FANCB: variants seen among roughly 807,000 people sequenced by gnomAD.
The protein encoded by FANCB is FA complementation group B, also known as Fanconi anemia group B protein.
Under a neutral mutation model 38.9 loss-of-function variants are expected in FANCB, and 5 were observed. The ratio of observed to expected loss-of-function variants is 0.13; its 90% CI spans 0.07 to 0.27. FANCB has a LOEUF of 0.27. Ranked by LOEUF, FANCB falls within the 10% of genes least tolerant of loss-of-function variation. The pLI, the probability that FANCB is intolerant of heterozygous loss-of-function variation, is 1.00. For synonymous variants in FANCB, 236 were observed against 215.4 expected (o/e 1.10, Z -0.84); for missense variants, 573 against 602.7 (o/e 0.95, Z 0.52).
the FANCB span, among the ~76,000 whole-genome samples, chrX:14,771,774 A>G: frequency 1.8e-5 from 2 of 111,964 alleles, no homozygotes; most frequent in African/African-American, 6.5e-5. Context: ...TTGTGGGGTT[A>G]TCTACCTTCA....
the FANCB span, among the ~76,000 whole-genome samples, chrX:14,792,150 C>T: frequency 8.9e-6 from 1 of 111,737 alleles, no homozygotes; most frequent in African/African-American, 3.2e-5. Context: ...TTAGTTTTTG[C>T]CTGAAATTTA....
chrX:14,707,525 G>T, the FANCB span, among the ~76,000 whole-genome samples: 4 of 109,938 alleles, frequency 3.6e-5, no homozygotes, highest in Non-Finnish European at 5.7e-5. Context: ...CACCCTGGTA[G>T]TGAGCTTAGA....
At chrX:14,818,077 G>A in the FANCB span, among the ~76,000 whole-genome samples, 6,418 of 111,207 alleles carry the variant, frequency 0.058, 395 homozygotes, top group African/African-American at 0.18. Context: ...TTAATAAACC[G>A]GTCCTCATTG....
At chrX:14,848,915 C>G (rs2092388779) in intron 7 of FANCB, among the ~76,000 whole-genome samples, 1 of 110,472 alleles carries the variant, frequency 9.1e-6, no homozygotes, top group African/African-American at 3.3e-5. Context: ...AGTGACCCCC[C>G]CGGACCCAGC....
At chrX:14,755,198 C>G in the FANCB span, among the ~76,000 whole-genome samples, 1 of 111,554 alleles carries the variant, frequency 9.0e-6, no homozygotes, top group African/African-American at 3.3e-5. Context: ...AGCATCATAC[C>G]AAATGGGAAA....
rs1336185048 is a variant in FANCB, at chrX:14,845,113, T to A, written c.1670A>T (p.Asp557Val). The stretch of plus-strand genomic sequence containing the variant: ...AACAAAGCTTTCCTCTTTCTTGCTA[T>A]CAGGGGTCAACGTGACCCTTTTTGC... The part of the protein sequence containing the change: ...LEAKRVTLTP[D>V]SKKEESFVCE... The change falls in exon 8 of 10, where the codon GAT (aspartate) becomes GTT (valine). Residue 557 changes from aspartate to valine, a missense_variant. Coordinates refer to ENST00000650831, the MANE Select transcript of FANCB (RefSeq NM_001018113.3). The A allele has an allele frequency of 5.8e-6, 7 of 1,209,691 alleles. No individual in the cohort carries two copies. The highest frequency in any genetic ancestry group is 7.8e-6 in the Non-Finnish European group (7 of 894,669).
the FANCB span, among the ~76,000 whole-genome samples, chrX:14,759,754 C>G: frequency 1.8e-5 from 2 of 109,466 alleles, no homozygotes; most frequent in Non-Finnish European, 3.8e-5. Context: ...AAAATAGAAC[C>G]TCCTTAAAGC....
intron 7 of FANCB, among the ~76,000 whole-genome samples, chrX:14,848,528 C>T (rs1181187815): frequency 1.8e-5 from 2 of 111,669 alleles, no homozygotes. Flanking sequence ...CTGGTCTAAC[C>T]GGTTGTCTAG....
the FANCB span, among the ~76,000 whole-genome samples, chrX:14,804,338 C>G: frequency 8.9e-6 from 1 of 111,863 alleles, no homozygotes; most frequent in Non-Finnish European, 1.9e-5. Flanking sequence ...TTTGTAGGGA[C>G]AAGGAGGAAG....
chrX:14,794,361 G>A, the FANCB span, among the ~76,000 whole-genome samples: 4 of 111,253 alleles, frequency 3.6e-5, no homozygotes, highest in Admixed American at 1.9e-4. Context: ...CACCAGAGGG[G>A]AAAGGATGAA....
At chrX:14,772,393 A>C in the FANCB span, among the ~76,000 whole-genome samples, 1 of 112,257 alleles carries the variant, frequency 8.9e-6, no homozygotes, top group South Asian at 3.7e-4. Flanking sequence ...ACAATCTGGC[A>C]AGGCAGCTAT....
At chrX:14,803,539 T>A in the FANCB span, among the ~76,000 whole-genome samples, 1 of 112,389 alleles carries the variant, frequency 8.9e-6, no homozygotes, top group Non-Finnish European at 1.9e-5. Flanking sequence ...CACTCAGTAT[T>A]TTTAAATGAT....
chrX:14,819,827 T>C, the FANCB span, among the ~76,000 whole-genome samples: 6 of 111,382 alleles, frequency 5.4e-5, no homozygotes, highest in African/African-American at 2.0e-4. Flanking sequence ...ACGACTACCC[T>C]GATCAGGCCA....
chrX:14,835,244 A>G, downstream of FANCB: 1 of 501,351 alleles, frequency 2.0e-6, no homozygotes, highest in Non-Finnish European at 3.7e-6. Flanking sequence ...GATCATCTTT[A>G]TTGGCCTTTA....
At chrX:14,795,585 G>C in the FANCB span, among the ~76,000 whole-genome samples, 1 of 111,850 alleles carries the variant, frequency 8.9e-6, no homozygotes, top group Non-Finnish European at 1.9e-5. Context: ...ACAGCTAGAG[G>C]AGAAGAAAGA....
chrX:14,729,372 T>C, the FANCB span, among the ~76,000 whole-genome samples: 296 of 111,121 alleles, frequency 2.7e-3, no homozygotes, highest in African/African-American at 9.5e-3. Flanking sequence ...ACCCCACCGT[T>C]TGACCCCCTC....
intron 4 of FANCB, 36 bp from the exon 5 acceptor site, chrX:14,857,990 T>C: frequency 5.6e-6 from 5 of 900,701 alleles, no homozygotes; most frequent in Non-Finnish European, 6.4e-6. Flanking sequence ...ACACTAAGAC[T>C]GAAATTTTGC....
chrX:14,831,135 T>A (rs1242430174), downstream of FANCB, among the ~76,000 whole-genome samples: 1 of 112,236 alleles, frequency 8.9e-6, no homozygotes. Context: ...ACACAAAGAC[T>A]AGCCCCTTAC....
the FANCB span, among the ~76,000 whole-genome samples, chrX:14,794,033 T>TTTTG: frequency 9.0e-6 from 1 of 111,594 alleles, no homozygotes; most frequent in Non-Finnish European, 1.9e-5. Flanking sequence ...TTGTCTGGTT[T>TTTTG]TTTGTTTGTT....
Sources: allele counts gnomAD v4.1 joint callset (sites outside exome capture counted in the v4.1 genomes callset), GRCh38; gene constraint gnomAD v4.1.1; transcripts MANE v1.5; gene names NCBI Gene and HGNC (gene_info 2026-07-23, HGNC 2026-07-21).